SLC9A4: variants seen among roughly 807,000 people sequenced by gnomAD.
SLC9A4 encodes solute carrier family 9 member A4.
In SLC9A4, 63 loss-of-function variants were observed where a neutral mutation model predicts 67.4. The observed-to-expected ratio is 0.93, with a 90% confidence interval of 0.76 to 1.15. The LOEUF is 1.15. Among genes scored for constraint, SLC9A4 ranks in the 50% most tolerant of loss-of-function variants. The pLI, the probability that SLC9A4 is intolerant of heterozygous loss-of-function variation, is 0.00. For synonymous variants in SLC9A4, 393 were observed against 367.2 expected, an observed-to-expected ratio of 1.07 and a Z score of -0.80; for missense variants, 1,089 against 987.7, an observed-to-expected ratio of 1.10 and a Z score of -1.38.
intron 11 of SLC9A4, 141 bp from the exon 12 acceptor site, chr2:102,532,189 G>A (rs1169289527): frequency 2.3e-6 from 2 of 879,906 alleles, no homozygotes; most frequent in Admixed American, 2.4e-5. Context: ...AGGAAAAATT[G>A]TGCTGATAAG....
chr2:102,503,541 G>A lies in SLC9A4; in HGVS notation c.814G>A (p.Val272Ile), dbSNP rs562401734. Residue 272 changes from valine (V) to isoleucine (I), a missense_variant, in exon 3 of 12, where the codon GTT (valine) becomes ATT (isoleucine). Coordinates refer to ENST00000295269, the MANE Select transcript of SLC9A4 (RefSeq NM_001011552.4). ...DILAGCARFIVVGLGGVLFGI... is the reference protein window; with the variant it reads ...DILAGCARFIIVGLGGVLFGI... The stretch of plus-strand genomic sequence containing the variant: ...TTTGGCTGGATGTGCCCGATTCATC[G>A]TTGTGGGGCTTGGAGGGGTATTGTT... 1.9e-5 allele frequency: 31 copies of A among 1,613,990 alleles called. No individual in the cohort carries two copies. The highest frequency in any genetic ancestry group is 1.6e-4 in the Middle Eastern group (1 of 6,084).
intron 6 of SLC9A4, among the ~76,000 whole-genome samples, chr2:102,511,224 G>T (rs1685157503): frequency 6.6e-6 from 1 of 152,154 alleles, no homozygotes; most frequent in African/African-American, 2.4e-5. Flanking sequence ...AGGAAATTTG[G>T]TTATTTAAAT....
intron 4 of SLC9A4, among the ~76,000 whole-genome samples, chr2:102,507,860 A>G (rs553958872): frequency 6.6e-6 from 1 of 152,348 alleles, no homozygotes; most frequent in African/African-American, 2.4e-5. Flanking sequence ...ACACATGCCA[A>G]TAAACTGTAG....
chr2:102,492,854 T>C (rs1442322169), intron 2 of SLC9A4, among the ~76,000 whole-genome samples: 1 of 152,216 alleles, frequency 6.6e-6, no homozygotes, highest in African/African-American at 2.4e-5. Context: ...ACTTGTATGC[T>C]CTGCTTCCTC....
chr2:102,473,837 A>G lies in SLC9A4; in HGVS notation c.78A>G (p.Ala26=), dbSNP rs140006023. The G allele has an allele frequency of 1.2e-5, 20 of 1,614,118 alleles. No homozygotes were observed. Among genetic ancestry groups the G allele is most frequent in the Middle Eastern group, 1.6e-4 (1 of 6,062 alleles). ...TAGTGGCTCTTGAGTGTTCTGAAGCATCTTCTGATTTGAATGAATCTGCAA... is the reference window on the plus strand; with the variant it reads ...TAGTGGCTCTTGAGTGTTCTGAAGCGTCTTCTGATTTGAATGAATCTGCAA... ...LLLVALECSE[A]SSDLNESANS... is the part of the protein sequence containing the mutation. The change falls in exon 1 of 12, where the codon GCA becomes GCG. Residue 26 remains alanine (A), a synonymous_variant. Transcript: ENST00000295269.
intron 6 of SLC9A4, 85 bp downstream of exon 6, chr2:102,509,018 T>G: frequency 9.0e-7 from 1 of 1,110,234 alleles, no homozygotes; most frequent in Non-Finnish European, 1.3e-6. Context: ...GTCACTAGAC[T>G]TCCTCTTTCC....
At chr2:102,480,360 G>GT (rs11123932) in intron 2 of SLC9A4, among the ~76,000 whole-genome samples, 1,701 of 143,948 alleles carry the variant, frequency 0.012, 30 homozygotes, top group African/African-American at 0.036. Flanking sequence ...TCCGTGTCTT[G>GT]TTTTTTTTTT....
At chr2:102,517,445 A>G (rs1685296807) in intron 8 of SLC9A4, among the ~76,000 whole-genome samples, 1 of 152,202 alleles carries the variant, frequency 6.6e-6, no homozygotes, top group African/African-American at 2.4e-5. Flanking sequence ...CAACTGACCA[A>G]AAGAGAAAAA....
chr2:102,496,727 T>C (rs1417935528), intron 2 of SLC9A4, among the ~76,000 whole-genome samples: 1 of 152,240 alleles, frequency 6.6e-6, no homozygotes, highest in Non-Finnish European at 1.5e-5. Context: ...GGGCTTACTG[T>C]ACTTACTTCA....
rs556377374 is a variant in SLC9A4 at position 102,520,542 on chromosome 2, A to C, written c.1818+587A>C. On this transcript the variant is annotated intron_variant, in intron 9 of 11. Transcript: ENST00000295269. ...ATCTTTCTGAAACTTTGACTTAGTTAAATAATATTCCATTTAATTAGTCAT... is the reference window on the plus strand; with the variant it reads ...ATCTTTCTGAAACTTTGACTTAGTTCAATAATATTCCATTTAATTAGTCAT... Among the ~76,000 whole-genome samples, 313 of 152,340 alleles carry C rather than the reference A, an allele frequency of 2.1e-3. 2 individuals are homozygous for C. Among genetic ancestry groups the C allele is most frequent in the African/African-American group, 7.1e-3 (295 of 41,572 alleles).
At chr2:102,524,216 C>T (rs1041597115) in intron 9 of SLC9A4, among the ~76,000 whole-genome samples, 9 of 152,234 alleles carry the variant, frequency 5.9e-5, no homozygotes, top group Non-Finnish European at 1.3e-4. Flanking sequence ...TGTCCCAATC[C>T]TATCATCCTC....
chr2:102,516,361 T>C (rs530656808), intron 8 of SLC9A4, among the ~76,000 whole-genome samples: 1 of 152,326 alleles, frequency 6.6e-6, no homozygotes, highest in Non-Finnish European at 1.5e-5. Context: ...TTGCCTTTAT[T>C]TGATCTCATC....
chr2:102,508,566 C>T (rs1376174311), intron 5 of SLC9A4, among the ~76,000 whole-genome samples: 1 of 152,130 alleles, frequency 6.6e-6, no homozygotes, highest in African/African-American at 2.4e-5. Context: ...CTACGTAGCA[C>T]AAGTTTTTGT....
chr2:102,515,222 A>C (rs866882887), intron 8 of SLC9A4, among the ~76,000 whole-genome samples: 1 of 151,910 alleles, frequency 6.6e-6, no homozygotes, highest in Non-Finnish European at 1.5e-5. Flanking sequence ...GGAAGTTGGA[A>C]GAAGAGCTAA....
At chr2:102,484,133 C>A (rs1684535109) in intron 2 of SLC9A4, among the ~76,000 whole-genome samples, 1 of 151,878 alleles carries the variant, frequency 6.6e-6, no homozygotes, top group Non-Finnish European at 1.5e-5. Context: ...GAGGCATGAC[C>A]AAGTGCCCTT....
rs752565907 is a variant in SLC9A4, at chr2:102,532,677, C to CA, written c.2394dup (p.Ter799IlefsTer38). The CA allele has an allele frequency of 1.6e-5, 25 of 1,587,114 alleles. No homozygotes were observed. Among genetic ancestry groups the CA allele is most frequent in the Admixed American group, 3.5e-5 (2 of 57,912 alleles). ...TCACAGGTCCCATAGTCCTTTGCTC[C>CA]AAAAAAAATAGTGTTATTGTCCACA... On this transcript the variant is annotated frameshift_variant, in exon 12 of 12. Transcript: ENST00000295269. LOFTEE classifies it high-confidence loss of function.
At chr2:102,487,777 T>G (rs929398256) in intron 2 of SLC9A4, among the ~76,000 whole-genome samples, 1 of 152,216 alleles carries the variant, frequency 6.6e-6, no homozygotes, top group Non-Finnish European at 1.5e-5. Flanking sequence ...GAGATGGGGT[T>G]GAGCAGCTAT....
At chr2:102,510,175 T>A (rs1327714099) in intron 6 of SLC9A4, among the ~76,000 whole-genome samples, 1 of 150,686 alleles carries the variant, frequency 6.6e-6, no homozygotes, top group Non-Finnish European at 1.5e-5. Flanking sequence ...GCAGAGCCAG[T>A]AGGATGGATG....
At chr2:102,501,829 A>G (rs1381598079) in intron 2 of SLC9A4, among the ~76,000 whole-genome samples, 1 of 151,774 alleles carries the variant, frequency 6.6e-6, no homozygotes, top group East Asian at 1.9e-4. Context: ...AAGTGTCTCC[A>G]TAAGGAAGAT....
Sources: allele counts gnomAD v4.1 joint callset (sites outside exome capture counted in the v4.1 genomes callset), GRCh38; gene constraint gnomAD v4.1.1; transcripts MANE v1.5; gene names NCBI Gene and HGNC (gene_info 2026-07-23, HGNC 2026-07-21).